The following SHROOM2 variants were observed in gnomAD, a reference collection of about 807,000 sequenced individuals.
The protein encoded by SHROOM2 is shroom family member 2.
A neutral mutation model predicts 75.9 loss-of-function variants in SHROOM2; 33 were observed. The observed-to-expected ratio is 0.43, with a 90% CI of 0.33 to 0.58. The LOEUF (loss-of-function observed/expected upper bound fraction) is 0.58, where lower values mean the gene tolerates loss of function less well. Ranked by LOEUF, SHROOM2 falls within the 20% of genes least tolerant of loss-of-function variation. The pLI, the probability that SHROOM2 is intolerant of heterozygous loss-of-function variation, is 0.04. For missense variants in SHROOM2, 1,434 were observed against 1,461.2 expected (o/e 0.98, Z 0.30); for synonymous variants, 655 against 663.6 (o/e 0.99, Z 0.20).
At chrX:9,841,052 T>G (rs1332433526) in intron 1 of SHROOM2, among the ~76,000 whole-genome samples, 1 of 111,268 alleles carries the variant, frequency 9.0e-6, no homozygotes, top group Non-Finnish European at 1.9e-5. Flanking sequence ...ACGTCCTGGG[T>G]TCAAGCAATT....
At chrX:9,900,380 C>T (rs978796562) in intron 5 of SHROOM2, among the ~76,000 whole-genome samples, 1 of 111,892 alleles carries the variant, frequency 8.9e-6, no homozygotes, top group African/African-American at 3.2e-5. Flanking sequence ...TTGTTCTTTG[C>T]CCACCAAAAA....
At position 9,827,175 on chromosome X, in the gene SHROOM2, G is replaced by A. The variant is rs770286302; in HGVS notation, c.165+40465G>A. On this transcript the variant is annotated intron_variant, in intron 1 of 9. Transcript: ENST00000380913. ...ACACCAGGAGAGTCCAGTGTAGCCT[G>A]GATGGAGGGTTATGGTCTTACATGT... Among the ~76,000 whole-genome samples the A allele has an allele frequency of 2.7e-5, 3 of 109,176 alleles. No homozygotes were observed. In the East Asian group the frequency reaches 8.7e-4, roughly 32 times the overall value. 94.8% of individuals were successfully genotyped at this position (109,176 alleles called of 115,157 possible).
chrX:9,856,765 C>T (rs1167572019), intron 1 of SHROOM2, among the ~76,000 whole-genome samples: 2 of 111,912 alleles, frequency 1.8e-5, no homozygotes, highest in African/African-American at 3.3e-5. Flanking sequence ...TGCATCCCCA[C>T]GCATCCTGTC....
intron 5 of SHROOM2, among the ~76,000 whole-genome samples, chrX:9,911,562 C>G (rs934829803): frequency 9.0e-6 from 1 of 110,815 alleles, no homozygotes; most frequent in Admixed American, 9.6e-5. Flanking sequence ...CAGTGGCTGG[C>G]GACGCTGCTT....
At chrX:9,928,269 G>A (rs747421288) in intron 5 of SHROOM2, among the ~76,000 whole-genome samples, 1 of 112,414 alleles carries the variant, frequency 8.9e-6, no homozygotes, top group East Asian at 2.8e-4. Flanking sequence ...GCAAGCAGCT[G>A]TCTCCTTGGG....
chrX:9,875,107 AAAAG>A (rs2084192617), intron 2 of SHROOM2, among the ~76,000 whole-genome samples: 1 of 101,634 alleles, frequency 9.8e-6, no homozygotes, highest in African/African-American at 3.5e-5. Flanking sequence ...AAAAAAAAAA[AAAAG>A]GGGAGGAAGG....
rs1235511863 is a variant in SHROOM2, at chrX:9,840,222, A to G, written c.166-33430A>G. The stretch of plus-strand genomic sequence containing the variant: ...CACATGCAGTTGGTTCCCATTTTCA[A>G]TTCTTGGGAATATGTTAGAAAACAA... On this transcript the variant is annotated intron_variant, in intron 1 of 9. Coordinates refer to ENST00000380913, the MANE Select transcript of SHROOM2 (RefSeq NM_001649.4). Among the ~76,000 whole-genome samples the G allele has an allele frequency of 3.5e-5, 4 of 112,712 alleles. No individual in the cohort carries two copies. The East Asian group carries it at 1.1e-3, about 31-fold the overall frequency.
rs200302584 is a variant in SHROOM2 at position 9,895,219 on chromosome X, C to T, written c.1311C>T (p.Pro437=). The T allele has an allele frequency of 2.4e-5, 29 of 1,205,882 alleles. No individual in the cohort carries two copies. The South Asian group carries it at 4.8e-4, about 20-fold the overall frequency. The change falls in exon 4 of 10, where the codon CCC becomes CCT. Residue 437 remains proline (P), a synonymous_variant. Coordinates refer to ENST00000380913, the MANE Select transcript of SHROOM2 (RefSeq NM_001649.4). The part of the protein sequence containing the change: ...RHPPLYSDHS[P]LCADSLGQEP... ...CTCCCCTATACAGCGACCACAGCCC[C>T]CTCTGTGCTGACAGCCTTGGGCAGG...
chrX:9,792,722 C>T (rs2083673822), intron 1 of SHROOM2, among the ~76,000 whole-genome samples: 1 of 108,256 alleles, frequency 9.2e-6, no homozygotes, highest in Non-Finnish European at 1.9e-5. Flanking sequence ...AGCATGATAG[C>T]GTATTTTTTT....
chrX:9,892,202 A>G (rs769332586), intron 3 of SHROOM2, among the ~76,000 whole-genome samples: 2 of 105,784 alleles, frequency 1.9e-5, no homozygotes, highest in Non-Finnish European at 3.9e-5. Flanking sequence ...GCAGTGAGCT[A>G]TGATTGCAGC....
intron 1 of SHROOM2, among the ~76,000 whole-genome samples, chrX:9,832,034 T>C (rs1371739666): frequency 8.9e-6 from 1 of 112,270 alleles, no homozygotes; most frequent in African/African-American, 3.2e-5. Flanking sequence ...TTCTCCCTAA[T>C]GTGTCATCCT....
In SHROOM2 at chrX:9,872,346, C is replaced by T. The variant is rs984796899; in HGVS notation, c.166-1306C>T. 1.2e-4 allele frequency among the ~76,000 whole-genome samples: 13 copies of T among 112,862 alleles called. 1 individual carries two copies. Among genetic ancestry groups the T allele is most frequent in the Admixed American group, 6.5e-4 (7 of 10,735 alleles). On this transcript the variant is annotated intron_variant, in intron 1 of 9. Transcript: ENST00000380913. ...CTGGGAGGCCGAGGCGGGTGGATCA[C>T]GAGGTCAGAGGAGTTCAAGACCAGC...
intron 1 of SHROOM2, among the ~76,000 whole-genome samples, chrX:9,799,162 T>TTA (rs2083710445): frequency 3.2e-5 from 1 of 31,115 alleles, no homozygotes; most frequent in Non-Finnish European, 1.2e-4. Flanking sequence ...TAATTCTTTT[T>TTA]TTTTTTTTTT....
At chrX:9,931,619 G>A (rs2084648955) in intron 5 of SHROOM2, among the ~76,000 whole-genome samples, 1 of 111,355 alleles carries the variant, frequency 9.0e-6, no homozygotes, top group Admixed American at 9.5e-5. Flanking sequence ...ACTCCAGCCT[G>A]GGTGACAAAG....
At chrX:9,857,431 C>G (rs1408198139) in intron 1 of SHROOM2, among the ~76,000 whole-genome samples, 1 of 108,469 alleles carries the variant, frequency 9.2e-6, no homozygotes, top group Non-Finnish European at 1.9e-5. Context: ...GTCGCCCTGG[C>G]TGGAGTGCAG....
At chrX:9,866,412 A>G (rs928719405) in intron 1 of SHROOM2, among the ~76,000 whole-genome samples, 1 of 99,985 alleles carries the variant, frequency 1.0e-5, no homozygotes, top group African/African-American at 4.0e-5. Flanking sequence ...CCCTTGAAAT[A>G]TGATATTGGA....
At chrX:9,791,308 G>C (rs952683669) in intron 1 of SHROOM2, among the ~76,000 whole-genome samples, 2 of 111,108 alleles carry the variant, frequency 1.8e-5, no homozygotes, top group Non-Finnish European at 3.8e-5. Flanking sequence ...ACTTGGGAAG[G>C]GCTGGTTTTT....
chrX:9,812,605 G>A (rs1273228997), intron 1 of SHROOM2, among the ~76,000 whole-genome samples: 3 of 112,234 alleles, frequency 2.7e-5, no homozygotes, highest in Middle Eastern at 4.6e-3. Context: ...CCTCTGGCAC[G>A]CAAATGTCTC....
chrX:9,827,467 C>T (rs930373641), intron 1 of SHROOM2, among the ~76,000 whole-genome samples: 2 of 109,027 alleles, frequency 1.8e-5, no homozygotes, highest in East Asian at 2.9e-4. Flanking sequence ...TGAGTCCCCC[C>T]GGCCAGGGGC....
Sources: allele counts gnomAD v4.1 joint callset (sites outside exome capture counted in the v4.1 genomes callset), GRCh38; gene constraint gnomAD v4.1.1; transcripts MANE v1.5; gene names NCBI Gene and HGNC (gene_info 2026-07-23, HGNC 2026-07-21).